The following SPAG16 variants were observed in gnomAD, a reference collection of about 807,000 sequenced individuals.
SPAG16 encodes sperm-associated antigen 16 protein.
A neutral mutation model predicts 80.4 loss-of-function variants in SPAG16; 86 were observed. That is an observed-to-expected ratio of 1.07 (90% CI 0.90 to 1.28). SPAG16 has a LOEUF of 1.28. Ranked by LOEUF, SPAG16 falls within the 50% of genes most tolerant of loss-of-function variation. SPAG16 has a pLI of 0.00. For missense variants in SPAG16, 870 were observed against 765.3 expected (o/e 1.14, Z -1.61); for synonymous variants, 294 against 265.9 (o/e 1.11, Z -1.03).
intron 10 of SPAG16, among the ~76,000 whole-genome samples, chr2:213,727,244 T>C (rs773392444): frequency 6.6e-6 from 1 of 152,180 alleles, no homozygotes. Flanking sequence ...GCATTACAAA[T>C]TAAGTAGTAA....
At position 213,423,846 on chromosome 2, in the gene SPAG16, C is replaced by T. The variant is rs528351261; in HGVS notation, c.942+48727C>T. Among the ~76,000 whole-genome samples, 5 of 152,152 alleles carry T rather than the reference C, an allele frequency of 3.3e-5. No individual in the cohort carries two copies. In the South Asian group the frequency reaches 6.2e-4, roughly 19 times the overall value. ...ATTCTCCCTCAAAAGCCTTTTTTCT[C>T]GTCTGCAATAGATAGTCTCCCTTTA... On this transcript the variant is annotated intron_variant, in intron 9 of 15. Coordinates refer to ENST00000331683, the MANE Select transcript of SPAG16 (RefSeq NM_024532.5).
intron 9 of SPAG16, among the ~76,000 whole-genome samples, chr2:213,453,692 A>G (rs981704095): frequency 1.3e-5 from 2 of 152,176 alleles, no homozygotes; most frequent in Admixed American, 6.5e-5. Context: ...TGAGGGACCC[A>G]GGCACCAGGC....
At chr2:213,587,687 A>G (rs1256579159) in intron 10 of SPAG16, among the ~76,000 whole-genome samples, 2 of 152,164 alleles carry the variant, frequency 1.3e-5, no homozygotes, top group Admixed American at 6.5e-5. Context: ...GAATTTTCCA[A>G]TTTTTAAAGT....
chr2:213,348,950 A>G (rs1445036859), intron 6 of SPAG16, among the ~76,000 whole-genome samples: 1 of 152,192 alleles, frequency 6.6e-6, no homozygotes, highest in Admixed American at 6.6e-5. Context: ...TCACTAAAAT[A>G]GATCGTATAC....
rs1008722377 is a variant in SPAG16, at chr2:213,672,405, T to C, written c.1070+182315T>C. On this transcript the variant is annotated intron_variant, in intron 10 of 15. Coordinates refer to ENST00000331683, the MANE Select transcript of SPAG16 (RefSeq NM_024532.5). ...TCCCTATTTCTATCCTTCCTTTCTCTTTCTTTCCAACATTGCCAACTGACA... is the reference window on the plus strand; with the variant it reads ...TCCCTATTTCTATCCTTCCTTTCTCCTTCTTTCCAACATTGCCAACTGACA... Among the ~76,000 whole-genome samples the C allele has an allele frequency of 3.9e-5, 6 of 152,130 alleles. No individual in the cohort carries two copies. In the South Asian group the frequency reaches 6.2e-4, roughly 16 times the overall value.
At chr2:213,992,946 G>A (rs980911726) in intron 12 of SPAG16, among the ~76,000 whole-genome samples, 1 of 152,148 alleles carries the variant, frequency 6.6e-6, no homozygotes, top group Non-Finnish European at 1.5e-5. Flanking sequence ...ACAATTATGT[G>A]GCTATCTGAA....
At chr2:213,318,786 G>T (rs1402329188) in intron 5 of SPAG16, among the ~76,000 whole-genome samples, 5 of 151,756 alleles carry the variant, frequency 3.3e-5, no homozygotes, top group African/African-American at 1.2e-4. Context: ...AATATAAACT[G>T]CACTAATACC....
At chr2:213,920,890 C>G (rs967557644) in intron 11 of SPAG16, among the ~76,000 whole-genome samples, 1 of 152,262 alleles carries the variant, frequency 6.6e-6, no homozygotes, top group African/African-American at 2.4e-5. Context: ...TACCAATTCT[C>G]TAAGCAGCTC....
chr2:213,665,391 C>G (rs541937166), intron 10 of SPAG16, among the ~76,000 whole-genome samples: 60 of 152,002 alleles, frequency 3.9e-4, no homozygotes, highest in African/African-American at 1.4e-3. Flanking sequence ...CACATACACA[C>G]ACAAACACAC....
intron 13 of SPAG16, among the ~76,000 whole-genome samples, chr2:214,035,030 A>G (rs543988316): frequency 6.6e-6 from 1 of 152,082 alleles, no homozygotes; most frequent in African/African-American, 2.4e-5. Context: ...TTATTGTGTG[A>G]TGTAACAGCT....
chr2:213,762,940 A>G (rs899892657), intron 10 of SPAG16, among the ~76,000 whole-genome samples: 1 of 151,978 alleles, frequency 6.6e-6, no homozygotes, highest in African/African-American at 2.4e-5. Context: ...TCAATAGTTA[A>G]AAAAACCAAA....
At chr2:214,014,199 G>T (rs1243445771) in intron 13 of SPAG16, 122 bp downstream of exon 13, 1 of 1,247,918 alleles carries the variant, frequency 8.0e-7, no homozygotes, top group African/African-American at 1.5e-5. Flanking sequence ...CAAAAGAACA[G>T]TAAAAAGTTC....
Position 213,381,289 on chromosome 2 carries a change from C to G in SPAG16, c.942+6170C>G, listed in dbSNP as rs570763439. On this transcript the variant is annotated intron_variant, in intron 9 of 15. Transcript: ENST00000331683. ...TAGGGAAGGCTTGGAGGAAGACTTA[C>G]AATCAGATTTCTGTAGTGAACCCAA... is the stretch of plus-strand genomic sequence containing the variant. Among the ~76,000 whole-genome samples the G allele has an allele frequency of 5.3e-5, 8 of 152,260 alleles. No individual in the cohort carries two copies. The South Asian group carries it at 8.3e-4, about 16-fold the overall frequency.
intron 10 of SPAG16, among the ~76,000 whole-genome samples, chr2:213,677,139 A>G (rs1574766473): frequency 6.6e-6 from 1 of 152,104 alleles, no homozygotes; most frequent in Admixed American, 6.6e-5. Context: ...GAAAGGAACA[A>G]CCGGTACCAG....
chr2:214,270,665 T>A (rs896285669), intron 15 of SPAG16, among the ~76,000 whole-genome samples: 1 of 152,164 alleles, frequency 6.6e-6, no homozygotes, highest in African/African-American at 2.4e-5. Flanking sequence ...TTAGGAGTTT[T>A]CACTTGCTTT....
At chr2:213,643,403 T>C (rs1375614138) in intron 10 of SPAG16, among the ~76,000 whole-genome samples, 1 of 86,490 alleles carries the variant, frequency 1.2e-5, no homozygotes, top group Non-Finnish European at 2.4e-5. Context: ...TATATATATA[T>C]ATATATATTT....
intron 9 of SPAG16, among the ~76,000 whole-genome samples, chr2:213,386,240 T>C (rs570902529): frequency 2.6e-5 from 4 of 152,272 alleles, no homozygotes; most frequent in Admixed American, 2.0e-4. Flanking sequence ...GAGTGGGGCA[T>C]GGGTTCAGAT....
At chr2:214,055,764 CT>C (rs1293123238) in intron 13 of SPAG16, among the ~76,000 whole-genome samples, 1 of 152,184 alleles carries the variant, frequency 6.6e-6, no homozygotes. Context: ...AACAAACCAA[CT>C]TAATAAATGA....
chr2:213,819,943 T>G (rs2072832844), intron 10 of SPAG16, among the ~76,000 whole-genome samples: 1 of 146,970 alleles, frequency 6.8e-6, no homozygotes, highest in African/African-American at 2.5e-5. Flanking sequence ...TTTTTCGTGT[T>G]TTTTTTTTTT....
Sources: allele counts gnomAD v4.1 joint callset (sites outside exome capture counted in the v4.1 genomes callset), GRCh38; gene constraint gnomAD v4.1.1; transcripts MANE v1.5; gene names NCBI Gene and HGNC (gene_info 2026-07-23, HGNC 2026-07-21).